APBA2: variants seen among roughly 807,000 people sequenced by gnomAD.
APBA2 encodes amyloid beta precursor protein binding family A member 2.
A neutral mutation model predicts 75.0 loss-of-function variants in APBA2; 30 were observed. The ratio of observed to expected loss-of-function variants is 0.40; its 90% CI spans 0.30 to 0.54. APBA2 has a LOEUF of 0.54. APBA2 is among the 20% of genes least tolerant of loss of function. APBA2 has a pLI of 0.49. For synonymous variants in APBA2, 444 were observed against 409.6 expected, an observed-to-expected ratio of 1.08 and a Z score of -1.01; for missense variants, 801 against 1,016.1, an observed-to-expected ratio of 0.79 and a Z score of 2.88.
intron 2 of APBA2, among the ~76,000 whole-genome samples, chr15:28,984,650 C>G (rs1194595894): frequency 6.6e-6 from 1 of 151,832 alleles, no homozygotes; most frequent in Non-Finnish European, 1.5e-5. Context: ...ACTGCCATCT[C>G]TGGGTGCTGG....
At chr15:28,984,305 C>T (rs1481957859) in intron 2 of APBA2, among the ~76,000 whole-genome samples, 1 of 151,968 alleles carries the variant, frequency 6.6e-6, no homozygotes, top group African/African-American at 2.4e-5. Context: ...TGTGTGTTTC[C>T]CACTGAGTAC....
intron 3 of APBA2, among the ~76,000 whole-genome samples, chr15:29,021,892 C>T (rs185409732): frequency 1.0e-3 from 156 of 152,186 alleles, no homozygotes; most frequent in African/African-American, 3.3e-3. Context: ...TGAGATCATG[C>T]GGTATTTATC....
At position 28,961,830 on chromosome 15, in the gene APBA2, G is replaced by A. The variant is rs975943438; in HGVS notation, c.-94-33923G>A. 5.9e-5 allele frequency among the ~76,000 whole-genome samples: 9 copies of A among 152,232 alleles called. No homozygotes were observed. In the South Asian group the frequency reaches 1.5e-3, roughly 25 times the overall value. ...TTAATCAGTCTCGGGTATAGATCCC[G>A]GACGTTAGTATTTTTAAGCATATTT... On this transcript the variant is annotated intron_variant, in intron 2 of 14. Transcript: ENST00000683413.
rs1463481901 is a variant in APBA2 at position 28,960,203 on chromosome 15, G to C, written c.-94-35550G>C. Among the ~76,000 whole-genome samples, 4 of 150,492 alleles carry C rather than the reference G, an allele frequency of 2.7e-5. No homozygotes were observed. The East Asian group carries it at 7.9e-4, about 30-fold the overall frequency. On this transcript the variant is annotated intron_variant, in intron 2 of 14. Coordinates refer to ENST00000683413, the MANE Select transcript of APBA2 (RefSeq NM_001353788.2). Reference sequence around the variant, plus strand: ...AGACTGGGCGAAGTGGCTCGTGCCTGTAATCCCAGCAGTTCAGGAAGCAGA... The same window carrying C: ...AGACTGGGCGAAGTGGCTCGTGCCTCTAATCCCAGCAGTTCAGGAAGCAGA...
intron 2 of APBA2, among the ~76,000 whole-genome samples, chr15:28,929,520 G>T (rs2034451421): frequency 6.6e-6 from 1 of 152,158 alleles, no homozygotes; most frequent in South Asian, 2.1e-4. Context: ...GCTGTCTTTA[G>T]CATGGCACTT....
chr15:29,071,226 C>A (rs79702571), intron 4 of APBA2: 7,907 of 367,386 alleles, frequency 0.022, 210 homozygotes, highest in African/African-American at 0.084. Context: ...AGTTTCACCA[C>A]CTGGAGCCAA....
intron 13 of APBA2, among the ~76,000 whole-genome samples, chr15:29,112,228 C>T (rs1297723480): frequency 6.6e-6 from 1 of 152,222 alleles, no homozygotes; most frequent in Non-Finnish European, 1.5e-5. Flanking sequence ...GCCTGGCCAC[C>T]TGGGGAGCAT....
intron 3 of APBA2, among the ~76,000 whole-genome samples, chr15:29,002,957 TC>T (rs1475564190): frequency 6.6e-6 from 1 of 152,012 alleles, no homozygotes; most frequent in Non-Finnish European, 1.5e-5. Context: ...AGACGGGCGT[TC>T]CAGGCAAACA....
chr15:28,988,475 G>A (rs1230607596), intron 2 of APBA2, among the ~76,000 whole-genome samples: 2 of 152,140 alleles, frequency 1.3e-5, no homozygotes, highest in Admixed American at 1.3e-4. Context: ...TGTTGGCCAG[G>A]CTGGTCTCGA....
intron 2 of APBA2, among the ~76,000 whole-genome samples, chr15:28,994,526 G>C (rs975757149): frequency 6.6e-6 from 1 of 152,162 alleles, no homozygotes; most frequent in Non-Finnish European, 1.5e-5. Context: ...AGCAGGTTAC[G>C]GCTCTGCAGC....
At chr15:28,917,376 G>A (rs1427305544) in intron 1 of APBA2, among the ~76,000 whole-genome samples, 1 of 152,140 alleles carries the variant, frequency 6.6e-6, no homozygotes, top group Non-Finnish European at 1.5e-5. Context: ...CCTAGGGTCC[G>A]GCTTGCACTG....
In APBA2 at chr15:29,054,308, A is replaced by G; in HGVS notation, c.424A>G (p.Thr142Ala). Residue 142 changes from threonine (T) to alanine (A), a missense_variant, in exon 4 of 15, where the codon ACG becomes GCG. Transcript: ENST00000683413. The surrounding 1 kb of genome is among the most constrained non-coding windows in gnomAD (Gnocchi z 6.1). Reference sequence around the variant, plus strand: ...GTGCCAGGAGGCGGTGGAGGAGTGGACGGACTCGGCGGGCCCGCACCCCCA... The same window carrying G: ...GTGCCAGGAGGCGGTGGAGGAGTGGGCGGACTCGGCGGGCCCGCACCCCCA... Reference protein sequence around the residue: ...DECQEAVEEWTDSAGPHPHGH... With the variant: ...DECQEAVEEWADSAGPHPHGH... 1 of 1,614,036 alleles carries G rather than the reference A, an allele frequency of 6.2e-7. No individual in the cohort carries two copies. The highest frequency in any genetic ancestry group is 1.3e-5 in the African/African-American group (1 of 75,034).
Position 29,117,142 on chromosome 15 carries a change from A to C in APBA2, c.*9A>C. 1 of 1,612,614 alleles carries C rather than the reference A, an allele frequency of 6.2e-7. No individual in the cohort carries two copies. Reference sequence around the variant, plus strand: ...CCCCGCTGTACATCTAGGCCACCCCAGCCTGGCCACGCAGCCAGGACACCG... The same window carrying C: ...CCCCGCTGTACATCTAGGCCACCCCCGCCTGGCCACGCAGCCAGGACACCG... On this transcript the variant is annotated 3_prime_UTR_variant, in exon 15 of 15. Coordinates refer to ENST00000683413, the MANE Select transcript of APBA2 (RefSeq NM_001353788.2).
intron 1 of APBA2, among the ~76,000 whole-genome samples, chr15:28,912,864 A>G (rs1327090078): frequency 6.6e-6 from 1 of 152,248 alleles, no homozygotes; most frequent in Non-Finnish European, 1.5e-5. Flanking sequence ...ACACATTTAA[A>G]TGTTTATAAG....
intron 3 of APBA2, among the ~76,000 whole-genome samples, chr15:29,001,809 T>C (rs2038863071): frequency 6.6e-6 from 1 of 152,202 alleles, no homozygotes; most frequent in Admixed American, 6.5e-5. Context: ...ACACCCTTTT[T>C]TTTAAAAGAT....
chr15:28,904,616 C>T (rs2033043795), intron 1 of APBA2, among the ~76,000 whole-genome samples: 1 of 152,184 alleles, frequency 6.6e-6, no homozygotes, highest in African/African-American at 2.4e-5. Flanking sequence ...TTCCCTTCCA[C>T]CCATTTGATG....
At chr15:28,919,654 C>G (rs2033865779) in intron 1 of APBA2, among the ~76,000 whole-genome samples, 1 of 152,178 alleles carries the variant, frequency 6.6e-6, no homozygotes, top group South Asian at 2.1e-4. Flanking sequence ...TCAGCACACC[C>G]TGCAGCGGGG....
rs531642297 is a variant in APBA2, at chr15:29,076,237, A to C, written c.1069+146A>C. 22 of 896,268 alleles carry C rather than the reference A, an allele frequency of 2.5e-5. No homozygotes were observed. The South Asian group carries it at 2.9e-4, about 12-fold the overall frequency. The allele number at this position is 896,268 out of a possible 1,614,324, so 55.5% of individuals were successfully genotyped here. A position where few individuals can be genotyped will look rare whatever the true frequency, so the allele number is the denominator to read the frequency against. On this transcript the variant is annotated intron_variant, in intron 6 of 14. Coordinates refer to ENST00000683413, the MANE Select transcript of APBA2 (RefSeq NM_001353788.2). ...AAGGTGCTTGGCCATTGTCTGTTTGAACACTGTGTAGCCCCACTTAGTGGG... is the reference window on the plus strand; with the variant it reads ...AAGGTGCTTGGCCATTGTCTGTTTGCACACTGTGTAGCCCCACTTAGTGGG...
rs1293655082 is a variant in APBA2, at chr15:29,054,394, T to G, written c.510T>G (p.Asp170Glu). The change falls in exon 4 of 15, where the codon GAT becomes GAG. Residue 170 changes from aspartate (D) to glutamate (E), a missense_variant. By Grantham distance (45) the Asp-to-Glu change is conservative. Coordinates refer to ENST00000683413, the MANE Select transcript of APBA2 (RefSeq NM_001353788.2). The surrounding 1 kb of genome is among the most constrained non-coding windows in gnomAD (Gnocchi z 6.1). Reference sequence around the variant, plus strand: ...ACGGCCAACTGCCCATTCCGGAGGATGAGCCCTCCGTCCTTGAGGCCCATG... The same window carrying G: ...ACGGCCAACTGCCCATTCCGGAGGAGGAGCCCTCCGTCCTTGAGGCCCATG... ...YPDGQLPIPE[D>E]EPSVLEAHDQ... 6.2e-7 allele frequency: 1 copy of G among 1,614,074 alleles called. No homozygotes were observed. The highest frequency in any genetic ancestry group is 2.2e-5 in the East Asian group (1 of 44,846).
Sources: allele counts gnomAD v4.1 joint callset (sites outside exome capture counted in the v4.1 genomes callset), GRCh38; gene constraint gnomAD v4.1.1; non-coding constraint Gnocchi (gnomAD v3.1); transcripts MANE v1.5; gene names NCBI Gene and HGNC (gene_info 2026-07-23, HGNC 2026-07-21).